LDAH: variants seen among roughly 807,000 people sequenced by gnomAD.
LDAH encodes lipid droplet-associated hydrolase.
A neutral mutation model predicts 29.6 loss-of-function variants in LDAH; 26 were observed. The ratio of observed to expected loss-of-function variants is 0.88; its 90% CI spans 0.64 to 1.22. The LOEUF (loss-of-function observed/expected upper bound fraction) is 1.22. Ranked by LOEUF, LDAH falls within the 50% of genes most tolerant of loss-of-function variation. LDAH has a pLI of 0.00. For synonymous variants in LDAH, 117 were observed against 133.0 expected, an observed-to-expected ratio of 0.88 and a Z score of 0.83; for missense variants, 344 against 387.3, an observed-to-expected ratio of 0.89 and a Z score of 0.94.
intron 3 of LDAH, among the ~76,000 whole-genome samples, chr2:20,779,365 G>A (rs1003935146): frequency 1.3e-5 from 2 of 151,998 alleles, no homozygotes; most frequent in Non-Finnish European, 2.9e-5. Context: ...GGGGCGGTGA[G>A]GGGAGGGAAC....
intron 6 of LDAH, among the ~76,000 whole-genome samples, chr2:20,691,575 T>C (rs1193752960): frequency 2.0e-5 from 3 of 152,240 alleles, no homozygotes; most frequent in African/African-American, 4.8e-5. Flanking sequence ...AGTACTGGAA[T>C]TGTTAACAAA....
At chr2:20,703,114 C>A (rs1311989922) in intron 5 of LDAH, among the ~76,000 whole-genome samples, 1 of 152,250 alleles carries the variant, frequency 6.6e-6, no homozygotes, top group Non-Finnish European at 1.5e-5. Context: ...GCATGAGCCA[C>A]CGCACCCAGC....
downstream of LDAH, among the ~76,000 whole-genome samples, chr2:20,683,399 C>G (rs542249643): frequency 1.8e-3 from 274 of 152,354 alleles, 1 homozygote; most frequent in Non-Finnish European, 3.4e-3. Context: ...TCAGTCCCAG[C>G]CTCCAACCTC....
Position 20,716,416 on chromosome 2 carries a change from T to G in LDAH, c.704-14764A>C, listed in dbSNP as rs1211873043. 1.3e-5 allele frequency among the ~76,000 whole-genome samples: 2 copies of G among 152,048 alleles called. 1 individual carries two copies. The highest frequency in any genetic ancestry group is 2.9e-5 in the Non-Finnish European group (2 of 67,958). On this transcript the variant is annotated intron_variant, in intron 5 of 6. Transcript: ENST00000237822. The stretch of plus-strand genomic sequence containing the variant: ...GCAGCCATAAAGAAGGATGAGTTAA[T>G]GTCCTTTGCAGGGACATGGATGAAG...
intron 2 of LDAH, among the ~76,000 whole-genome samples, chr2:20,793,423 G>A (rs1278468657): frequency 2.0e-5 from 3 of 152,102 alleles, no homozygotes; most frequent in Admixed American, 1.3e-4. Context: ...CTCTTGAAGA[G>A]CTAATTCAAA....
intron 6 of LDAH, among the ~76,000 whole-genome samples, chr2:20,696,458 T>A (rs1663488842): frequency 6.6e-6 from 1 of 152,184 alleles, no homozygotes; most frequent in Non-Finnish European, 1.5e-5. Flanking sequence ...ACTGCCTAAC[T>A]TCATCTGAAA....
In LDAH at chr2:20,725,932, C is replaced by T. The variant is rs527465958; in HGVS notation, c.703+14039G>A. 8.3e-4 allele frequency among the ~76,000 whole-genome samples: 126 copies of T among 152,274 alleles called. 1 individual carries two copies. Among genetic ancestry groups the T allele is most frequent in the South Asian group, 3.1e-3 (15 of 4,820 alleles). ...CAAAGGACAACAGAGTAGAAACATA[C>T]GACCCATGTCCCAGATGGCACTGTT... On this transcript the variant is annotated intron_variant, in intron 5 of 6. Transcript: ENST00000237822.
chr2:20,795,945 CCACACACACACACACACACA>C (rs57619975), intron 2 of LDAH, among the ~76,000 whole-genome samples: 2 of 141,992 alleles, frequency 1.4e-5, no homozygotes, highest in East Asian at 4.1e-4. Flanking sequence ...CCGAAACCTG[CCACACACACACACACACACA>C]CACACACACA....
intron 3 of LDAH, among the ~76,000 whole-genome samples, chr2:20,788,702 C>A (rs1670729422): frequency 6.6e-6 from 1 of 152,140 alleles, no homozygotes; most frequent in African/African-American, 2.4e-5. Flanking sequence ...TCGATCTCAC[C>A]TCAAATTAAC....
intron 5 of LDAH, among the ~76,000 whole-genome samples, chr2:20,720,020 C>T (rs1401759683): frequency 6.6e-6 from 1 of 151,738 alleles, no homozygotes; most frequent in Non-Finnish European, 1.5e-5. Context: ...TCACACTGAA[C>T]AGTGAACAAA....
intron 4 of LDAH, among the ~76,000 whole-genome samples, chr2:20,759,193 T>TC (rs1206626514): frequency 6.6e-6 from 1 of 152,162 alleles, no homozygotes; most frequent in Non-Finnish European, 1.5e-5. Context: ...CTAGACTGTG[T>TC]CTTCATTCAT....
In LDAH at chr2:20,698,621, A is replaced by G. The variant is rs1663678111; in HGVS notation, c.786+2949T>C. On this transcript the variant is annotated intron_variant, in intron 6 of 6. Coordinates refer to ENST00000237822, the MANE Select transcript of LDAH (RefSeq NM_021925.4). The surrounding 1 kb of genome is among the most constrained non-coding windows in gnomAD (Gnocchi z 4.4). ...CTTGAACCCGGGAAGTGGAGGTTGC[A>G]GTGAGCCGAGATCGTGCCACTGCAC... Among the ~76,000 whole-genome samples, 1 of 152,118 alleles carries G rather than the reference A, an allele frequency of 6.6e-6. No individual in the cohort carries two copies. Among genetic ancestry groups the G allele is most frequent in the South Asian group, 2.1e-4 (1 of 4,826 alleles).
intron 5 of LDAH, among the ~76,000 whole-genome samples, chr2:20,724,989 A>G (rs1665910063): frequency 6.6e-6 from 1 of 152,184 alleles, no homozygotes; most frequent in Admixed American, 6.5e-5. Context: ...TTTGGGAGGT[A>G]GGAAATCAAC....
Position 20,790,251 on chromosome 2 carries a change from A to T in LDAH, c.298+4T>A. 1 of 1,614,066 alleles carries T rather than the reference A, an allele frequency of 6.2e-7. No homozygotes were observed. Among genetic ancestry groups the T allele is most frequent in the African/African-American group, 1.3e-5 (1 of 75,068 alleles). On this transcript the variant is annotated splice_donor_region_variant and intron_variant, in intron 3 of 6. Coordinates refer to ENST00000237822, the MANE Select transcript of LDAH (RefSeq NM_021925.4). ...AAGGAAAGTAGATATTAACAAGGAC[A>T]TACCCTCTGATGTTGTAAGAATCTT... is the stretch of plus-strand genomic sequence containing the variant.
At chr2:20,805,272 A>G (rs940398833) in intron 1 of LDAH, among the ~76,000 whole-genome samples, 2 of 152,186 alleles carry the variant, frequency 1.3e-5, no homozygotes, top group African/African-American at 4.8e-5. Flanking sequence ...CTCAAATAAA[A>G]TAAGCTGAGA....
chr2:20,714,099 C>T (rs1664977371), intron 5 of LDAH, among the ~76,000 whole-genome samples: 1 of 152,192 alleles, frequency 6.6e-6, no homozygotes, highest in Non-Finnish European at 1.5e-5. Context: ...CACCACATGG[C>T]ACTTATTCCA....
At chr2:20,705,627 T>C (rs539681883) in intron 5 of LDAH, among the ~76,000 whole-genome samples, 53 of 152,312 alleles carry the variant, frequency 3.5e-4, no homozygotes, top group Non-Finnish European at 6.6e-4. Flanking sequence ...AATACTATTA[T>C]ATTGTCTAGT....
chr2:20,777,874 A>G (rs1420232494), intron 3 of LDAH, among the ~76,000 whole-genome samples: 1 of 152,178 alleles, frequency 6.6e-6, no homozygotes, highest in Non-Finnish European at 1.5e-5. Context: ...CTCTCCAAAA[A>G]ATGTAGAAAA....
chr2:20,818,490 C>T (rs927943729), intron 1 of LDAH, among the ~76,000 whole-genome samples: 1 of 151,944 alleles, frequency 6.6e-6, no homozygotes, highest in Non-Finnish European at 1.5e-5. Context: ...CATCTTTCTC[C>T]AGAATAACAT....
Sources: gnomAD v4.1 joint callset for allele counts (sites outside exome capture counted in the v4.1 genomes callset) on GRCh38, gnomAD v4.1.1 for gene constraint, Gnocchi (gnomAD v3.1) non-coding constraint, MANE v1.5 for transcripts, NCBI Gene and HGNC (gene_info 2026-07-23, HGNC 2026-07-21) for gene names.